Variants in CACHD1 observed in about 807,000 individuals in gnomAD.
CACHD1 encodes the protein VWFA and cache domain-containing protein 1.
CACHD1 carries 71 observed loss-of-function variants against 138.7 expected under a neutral mutation model. That is an observed-to-expected ratio of 0.51 (90% CI 0.42 to 0.62). The LOEUF (loss-of-function observed/expected upper bound fraction) is 0.62. Ranked by LOEUF, CACHD1 falls within the 20% of genes least tolerant of loss-of-function variation. The pLI is 0.00. For missense variants in CACHD1, 1,389 were observed against 1,625.3 expected (o/e 0.85, Z 2.50); for synonymous variants, 578 against 591.5 (o/e 0.98, Z 0.33).
intron 9 of CACHD1, among the ~76,000 whole-genome samples, chr1:64,650,640 T>G (rs1476636788): frequency 6.6e-6 from 1 of 152,206 alleles, no homozygotes; most frequent in East Asian, 1.9e-4. Flanking sequence ...TATGCAACCA[T>G]AGCAACTCAA....
chr1:64,662,936 A>ATAATAGT (rs1443349877), intron 13 of CACHD1, among the ~76,000 whole-genome samples: 1 of 152,222 alleles, frequency 6.6e-6, no homozygotes, highest in Non-Finnish European at 1.5e-5. Flanking sequence ...ACTAATATGA[A>ATAATAGT]TAATAGTTAA....
chr1:64,526,894 C>T (rs1363825565), intron 1 of CACHD1, among the ~76,000 whole-genome samples: 1 of 152,156 alleles, frequency 6.6e-6, no homozygotes, highest in Non-Finnish European at 1.5e-5. Flanking sequence ...TTTCGCAAAA[C>T]CATTTATTCC....
chr1:64,626,786 A>G (rs1648115060), intron 4 of CACHD1, among the ~76,000 whole-genome samples: 3 of 152,280 alleles, frequency 2.0e-5, no homozygotes, highest in Admixed American at 2.0e-4. Context: ...CACCATCTCA[A>G]TGACAACAGG....
intron 7 of CACHD1, among the ~76,000 whole-genome samples, chr1:64,640,298 A>C (rs1557533590): frequency 6.6e-6 from 1 of 152,236 alleles, no homozygotes. Flanking sequence ...CTAAAACACA[A>C]TAACAGAAAC....
At chr1:64,618,644 T>G (rs1001103987) in intron 4 of CACHD1, among the ~76,000 whole-genome samples, 4 of 152,092 alleles carry the variant, frequency 2.6e-5, no homozygotes, top group Non-Finnish European at 5.9e-5. Flanking sequence ...GAAGTGGGAA[T>G]TGGGAAGGTG....
chr1:64,673,182 T>TAAA lies in CACHD1; in HGVS notation c.2535_2536insAAA (p.Gly845_Tyr846insLys). On this transcript the variant is annotated inframe_insertion, in exon 18 of 27. Coordinates refer to ENST00000651257, the MANE Select transcript of CACHD1 (RefSeq NM_020925.4). ...GGTGCTTCATAATGGAGGACAGGGG[T>TAAA]TATCTGGTGGCGCACCCGACTCTCA... The TAAA allele has an allele frequency of 6.2e-7, 1 of 1,611,786 alleles. No homozygotes were observed. The highest frequency in any genetic ancestry group is 1.1e-5 in the South Asian group (1 of 90,976).
rs1384899633 is a variant in CACHD1, at chr1:64,663,557, AAAAAAAAAG to A, written c.1952-130_1952-122del. On this transcript the variant is annotated intron_variant, in intron 13 of 26. Coordinates refer to ENST00000651257, the MANE Select transcript of CACHD1 (RefSeq NM_020925.4). ...CAGAGCGAGACTCCATCTGAAAAAA[AAAAAAAAAG>A]AAAAAAAGGAAAAAAAAAGACATTA... 1.3e-5 allele frequency: 15 copies of A among 1,165,282 alleles called. No homozygotes were observed. In the African/African-American group the frequency reaches 2.0e-4, roughly 16 times the overall value. 72.2% of individuals were successfully genotyped at this position (1,165,282 alleles called of 1,614,324 possible). A position where few individuals can be genotyped will look rare whatever the true frequency, so the allele number is the denominator to read the frequency against.
chr1:64,637,952 T>C (rs988577), intron 7 of CACHD1, among the ~76,000 whole-genome samples: 123,832 of 152,144 alleles, frequency 0.81, 51,116 homozygotes, highest in Non-Finnish European at 0.88. Flanking sequence ...GATTTGTCTA[T>C]ATTGTTTTAT....
At chr1:64,525,934 T>A (rs1004708244) in intron 1 of CACHD1, among the ~76,000 whole-genome samples, 2 of 152,230 alleles carry the variant, frequency 1.3e-5, no homozygotes, top group African/African-American at 4.8e-5. Context: ...AAAATTATTA[T>A]TGCTTTTAAA....
At chr1:64,536,908 A>C (rs528308369) in intron 1 of CACHD1, among the ~76,000 whole-genome samples, 70 of 152,200 alleles carry the variant, frequency 4.6e-4, no homozygotes, top group African/African-American at 1.7e-3. Flanking sequence ...GTGGGGTTGG[A>C]GGCATGTTGC....
chr1:64,475,171 C>CTTTTTTTTTTTTTTTTTTTTTTTTTT (rs3078373), intron 1 of CACHD1, among the ~76,000 whole-genome samples: 12 of 124,286 alleles, frequency 9.7e-5, no homozygotes, highest in Non-Finnish European at 1.3e-4. Context: ...AAATTCCTTC[C>CTTTTTTTTTTTTTTTTTTTTTTTTTT]TTTTTTTTTT....
At chr1:64,649,265 T>C (rs1649012675) in intron 9 of CACHD1, among the ~76,000 whole-genome samples, 2 of 152,094 alleles carry the variant, frequency 1.3e-5, no homozygotes, top group Non-Finnish European at 2.9e-5. Context: ...GGTGTGATCA[T>C]AGTTCACTGC....
chr1:64,590,664 T>G (rs1230863038), intron 3 of CACHD1, among the ~76,000 whole-genome samples: 2 of 147,362 alleles, frequency 1.4e-5, no homozygotes, highest in Non-Finnish European at 2.9e-5. Context: ...TCAAGGGTTT[T>G]GTTTTGTTTT....
At chr1:64,529,877 C>G (rs1646568746) in intron 1 of CACHD1, among the ~76,000 whole-genome samples, 1 of 152,172 alleles carries the variant, frequency 6.6e-6, no homozygotes, top group Non-Finnish European at 1.5e-5. Context: ...TTTATAATTT[C>G]CAAATCTTAA....
chr1:64,481,569 G>T (rs1278692864), intron 1 of CACHD1, among the ~76,000 whole-genome samples: 1 of 152,158 alleles, frequency 6.6e-6, no homozygotes, highest in Non-Finnish European at 1.5e-5. Context: ...AAGGTGGATT[G>T]GTAGATAATT....
intron 16 of CACHD1, among the ~76,000 whole-genome samples, chr1:64,667,544 C>T (rs1464059186): frequency 6.6e-6 from 1 of 152,242 alleles, no homozygotes; most frequent in Non-Finnish European, 1.5e-5. Flanking sequence ...ACTTAGAACA[C>T]ATCCCTCAGT....
chr1:64,663,544 C>T, intron 13 of CACHD1, 151 bp from the exon 14 acceptor site: 1 of 971,004 alleles, frequency 1.0e-6, no homozygotes, highest in Non-Finnish European at 1.5e-6. Flanking sequence ...GAGCGAGACT[C>T]CATCTGAAAA....
chr1:64,628,291 A>G (rs12023725), intron 4 of CACHD1, among the ~76,000 whole-genome samples: 122,137 of 152,116 alleles, frequency 0.8, 49,650 homozygotes, highest in East Asian at 0.94. Context: ...CCCCCCACTG[A>G]ATTTCTTTTT....
intron 16 of CACHD1, 49 bp downstream of exon 16, chr1:64,666,216 A>G: frequency 7.8e-7 from 1 of 1,283,642 alleles, no homozygotes; most frequent in Non-Finnish European, 1.1e-6. Flanking sequence ...TATCAAGGAT[A>G]TTTTGGAAAT....
Sources: gnomAD v4.1 joint callset for allele counts (sites outside exome capture counted in the v4.1 genomes callset) on GRCh38, gnomAD v4.1.1 for gene constraint, MANE v1.5 for transcripts, NCBI Gene and HGNC (gene_info 2026-07-23, HGNC 2026-07-21) for gene names.